The following SAMMSON variants were observed in gnomAD, a reference collection of about 807,000 sequenced individuals.
SAMMSON encodes the protein long intergenic non-protein coding RNA 1212.
intron 4 of SAMMSON, among the ~76,000 whole-genome samples, chr3:70,093,520 C>T (rs563793166): frequency 1.3e-4 from 20 of 152,200 alleles, no homozygotes; most frequent in African/African-American, 3.4e-4. Context: ...CTGCCACAAC[C>T]GTCTTCTGAA....
chr3:70,412,317 A>G (rs1247798799), intron 2 of SAMMSON, among the ~76,000 whole-genome samples: 3 of 152,186 alleles, frequency 2.0e-5, no homozygotes, highest in Admixed American at 1.3e-4. Flanking sequence ...TTGAAATTAT[A>G]TGCTTAATAT....
At chr3:70,353,514 A>C (rs1181323033) in intron 7 of SAMMSON, among the ~76,000 whole-genome samples, 1 of 152,144 alleles carries the variant, frequency 6.6e-6, no homozygotes, top group African/African-American at 2.4e-5. Context: ...TTAAAACCAC[A>C]ATGAAATATT....
chr3:70,088,556 G>C (rs2067294049), intron 4 of SAMMSON, among the ~76,000 whole-genome samples: 1 of 152,152 alleles, frequency 6.6e-6, no homozygotes, highest in African/African-American at 2.4e-5. Context: ...GTATAAATTG[G>C]CTAAGCCCTT....
Position 70,020,421 on chromosome 3 carries a change from G to A in SAMMSON, n.417+6749G>A, listed in dbSNP as rs369541345. Among the ~76,000 whole-genome samples, 85 of 152,276 alleles carry A rather than the reference G, an allele frequency of 5.6e-4. 1 individual carries two copies. The highest frequency in any genetic ancestry group is 2.0e-3 in the African/African-American group (82 of 41,558). ...GAAATTATGCAAATGCTCTGGATTT[G>A]CACTGATTTTCTTCTATTAGTCTGC... is the stretch of plus-strand genomic sequence containing the variant. On this transcript the variant is annotated intron_variant and non_coding_transcript_variant, in intron 3 of 9. Transcript: ENST00000642114.
At chr3:70,424,758 C>T (rs1177760362) in intron 2 of SAMMSON, 1 of 152,154 alleles carries the variant, frequency 6.6e-6, no homozygotes, top group Non-Finnish European at 1.5e-5. Context: ...ACATTTTGAT[C>T]TATAATTCTT....
intron 3 of SAMMSON, among the ~76,000 whole-genome samples, chr3:70,021,504 A>G (rs1157058736): frequency 6.6e-6 from 1 of 152,206 alleles, no homozygotes; most frequent in Non-Finnish European, 1.5e-5. Flanking sequence ...CAGTCAAGAA[A>G]AACATAGCTT....
At chr3:70,135,318 C>T (rs1042714966) in intron 4 of SAMMSON, among the ~76,000 whole-genome samples, 1 of 152,034 alleles carries the variant, frequency 6.6e-6, no homozygotes, top group Admixed American at 6.6e-5. Context: ...GTACCTTTGA[C>T]CTTATTGAGC....
At chr3:70,171,675 AC>A (rs1700958299) in intron 4 of SAMMSON, among the ~76,000 whole-genome samples, 1 of 151,864 alleles carries the variant, frequency 6.6e-6, no homozygotes, top group Non-Finnish European at 1.5e-5. Flanking sequence ...ATTAATGAAA[AC>A]CTAAAAGATG....
At chr3:70,252,524 T>C (rs772062750) in intron 6 of SAMMSON, among the ~76,000 whole-genome samples, 13 of 152,122 alleles carry the variant, frequency 8.5e-5, no homozygotes, top group East Asian at 1.9e-4. Flanking sequence ...AAGGTTACAA[T>C]TGCAAAAGCT....
chr3:70,374,204 G>A (rs944889720), intron 9 of SAMMSON, among the ~76,000 whole-genome samples: 10 of 152,146 alleles, frequency 6.6e-5, no homozygotes, highest in East Asian at 1.9e-4. Context: ...GTGAGCCAAC[G>A]TGCCTGGCCA....
intron 7 of SAMMSON, among the ~76,000 whole-genome samples, chr3:70,294,044 A>G (rs1702266403): frequency 6.6e-6 from 1 of 152,110 alleles, no homozygotes; most frequent in Admixed American, 6.6e-5. Context: ...ATCAATTTTT[A>G]TTAAGGATAC....
chr3:70,112,377 T>C lies in SAMMSON; in HGVS notation n.507+40812T>C, dbSNP rs564249084. ...GGTGAAGCCAGAGAGCATGTTTCTC[T>C]CATAAAACCCTGCTAAAATAGTCAC... On this transcript the variant is annotated intron_variant and non_coding_transcript_variant, in intron 4 of 9. Transcript: ENST00000642114. 2.0e-5 allele frequency among the ~76,000 whole-genome samples: 3 copies of C among 152,160 alleles called. No homozygotes were observed. The South Asian group carries it at 6.2e-4, about 32-fold the overall frequency.
Position 70,382,794 on chromosome 3 carries a change from A to G in SAMMSON, n.914-6780A>G, listed in dbSNP as rs781540576. ...TTGTATTCTTAATTTGTAGTTGCCA[A>G]TCTTAACATTTTTCATAACAGGTAT... On this transcript the variant is annotated intron_variant and non_coding_transcript_variant, in intron 9 of 9. Coordinates refer to ENST00000642114, the Ensembl canonical transcript of SAMMSON. Among the ~76,000 whole-genome samples, 90 of 152,106 alleles carry G rather than the reference A, an allele frequency of 5.9e-4. 1 individual carries two copies. The highest frequency in any genetic ancestry group is 4.3e-4 in the Non-Finnish European group (29 of 68,000).
rs1376466001 is a variant in SAMMSON, at chr3:70,049,278, A to G, written n.418-22198A>G. Among the ~76,000 whole-genome samples the G allele has an allele frequency of 5.3e-5, 8 of 152,222 alleles. No homozygotes were observed. The East Asian group carries it at 1.6e-3, about 30-fold the overall frequency. ...TATGATGCTTAGGAAACTTCAGTAC[A>G]TCTCACCTAGCATTCTCACCAGCCT... On this transcript the variant is annotated intron_variant and non_coding_transcript_variant, in intron 3 of 9. Coordinates refer to ENST00000642114, the Ensembl canonical transcript of SAMMSON.
intron 7 of SAMMSON, among the ~76,000 whole-genome samples, chr3:70,339,282 C>T (rs1430001327): frequency 6.6e-6 from 1 of 152,084 alleles, no homozygotes; most frequent in Admixed American, 6.6e-5. Flanking sequence ...AATGTTAGAC[C>T]TAAAATCATA....
At chr3:70,005,580 C>T (rs1259133746) in intron 1 of SAMMSON, among the ~76,000 whole-genome samples, 1 of 152,048 alleles carries the variant, frequency 6.6e-6, no homozygotes, top group Non-Finnish European at 1.5e-5. Flanking sequence ...AGTGTCACCC[C>T]CACCATATTC....
exon 10 of SAMMSON, chr3:70,389,641 T>C (rs1198621707): frequency 2.0e-5 from 3 of 152,130 alleles, no homozygotes; most frequent in African/African-American, 7.2e-5. Flanking sequence ...ACAGCTGATG[T>C]GACATCTTGA....
intron 4 of SAMMSON, chr3:70,094,586 G>A (rs906686648): frequency 6.6e-6 from 1 of 152,082 alleles, no homozygotes; most frequent in Non-Finnish European, 1.5e-5. Flanking sequence ...TCCTGCCACA[G>A]GGCCTTTGTG....
At chr3:70,041,782 T>C (rs1223499866) in intron 3 of SAMMSON, among the ~76,000 whole-genome samples, 1 of 152,116 alleles carries the variant, frequency 6.6e-6, no homozygotes, top group Non-Finnish European at 1.5e-5. Context: ...AGAAGTTATA[T>C]GCAGATTTTG....
Sources: allele counts gnomAD v4.1 joint callset (sites outside exome capture counted in the v4.1 genomes callset), GRCh38; gene constraint gnomAD v4.1.1; transcripts MANE v1.5; gene names NCBI Gene and HGNC (gene_info 2026-07-23, HGNC 2026-07-21).